Variants in PRDM16 observed in about 807,000 individuals in gnomAD.
PRDM16 encodes PR/SET domain 16, also known as histone-lysine N-methyltransferase PRDM16.
A neutral mutation model predicts 110.6 loss-of-function variants in PRDM16; 23 were observed. The observed-to-expected ratio is 0.21, with a 90% CI of 0.15 to 0.29. The LOEUF (loss-of-function observed/expected upper bound fraction) is 0.29, where lower values mean the gene tolerates loss of function less well. Among genes scored for constraint, PRDM16 ranks in the 10% least tolerant of loss-of-function variants. The pLI is 1.00. For synonymous variants in PRDM16, 799 were observed against 781.8 expected (o/e 1.02, Z -0.37); for missense variants, 1,615 against 1,794.3 (o/e 0.90, Z 1.81).
At chr1:3,109,790 G>T (rs1189147931) in intron 1 of PRDM16, among the ~76,000 whole-genome samples, 1 of 152,268 alleles carries the variant, frequency 6.6e-6, no homozygotes, top group Admixed American at 6.5e-5. Flanking sequence ...AATATCACCT[G>T]AGTGGCCCAT....
At chr1:3,125,657 G>A (rs1033549316) in intron 1 of PRDM16, among the ~76,000 whole-genome samples, 1 of 152,270 alleles carries the variant, frequency 6.6e-6, no homozygotes, top group Admixed American at 6.5e-5. Context: ...GGGAAGAAAG[G>A]AAAACATCCC....
intron 3 of PRDM16, among the ~76,000 whole-genome samples, chr1:3,272,228 G>C (rs910803314): frequency 2.6e-5 from 4 of 152,212 alleles, no homozygotes; most frequent in Non-Finnish European, 5.9e-5. Context: ...GCACTCCACG[G>C]GGACAGGCGT....
chr1:3,096,935 A>G (rs1222193314), intron 1 of PRDM16, among the ~76,000 whole-genome samples: 2 of 152,122 alleles, frequency 1.3e-5, no homozygotes, highest in Non-Finnish European at 2.9e-5. Flanking sequence ...GCCCATTTAA[A>G]ACTACGCCGA....
chr1:3,226,494 G>T (rs1470141736), intron 2 of PRDM16, among the ~76,000 whole-genome samples: 1 of 152,156 alleles, frequency 6.6e-6, no homozygotes, highest in Non-Finnish European at 1.5e-5. Flanking sequence ...GGCAAAGGCG[G>T]CCCTAAAACA....
intron 2 of PRDM16, among the ~76,000 whole-genome samples, chr1:3,198,400 T>C (rs1352394918): frequency 6.6e-6 from 1 of 152,244 alleles, no homozygotes; most frequent in African/African-American, 2.4e-5. Flanking sequence ...CATATGTGAG[T>C]AGAATTGCCT....
At position 3,417,990 on chromosome 1, in the gene PRDM16, A is replaced by C. The variant is rs1408159640; in HGVS notation, c.2854A>C (p.Thr952Pro). ...CCTCAGGAAGGGCAAGGAGCGATAC[A>C]CGTGCAGGTGAGGGGCCCTTTGGTG... ...PILRKGKERY[T>P]CRYCGKIFPR... The change falls in exon 11 of 17, where the codon ACG becomes CCG. Residue 952 changes from threonine to proline, a missense_variant. Thr to Pro is a conservative substitution (Grantham distance 38). This residue lies in a region of PRDM16 where 772 missense variants were observed against 748.3 expected (regional missense o/e 1.03). Transcript: ENST00000270722. The C allele has an allele frequency of 7.4e-6, 12 of 1,611,034 alleles. No homozygotes were observed. Among genetic ancestry groups the C allele is most frequent in the Middle Eastern group, 1.8e-4 (1 of 5,664 alleles).
intron 3 of PRDM16, among the ~76,000 whole-genome samples, chr1:3,376,735 C>G (rs1386925828): frequency 1.3e-5 from 2 of 152,064 alleles, no homozygotes; most frequent in Non-Finnish European, 2.9e-5. Context: ...ACTCTTCCCC[C>G]ACCCCAACCC....
At chr1:3,367,931 G>C (rs116794603) in intron 3 of PRDM16, among the ~76,000 whole-genome samples, 4,019 of 152,302 alleles carry the variant, frequency 0.026, 168 homozygotes, top group African/African-American at 0.089. Context: ...AGTAGTTGTT[G>C]TTTAGAGAGG....
chr1:3,326,440 G>C (rs1287147333), intron 3 of PRDM16, among the ~76,000 whole-genome samples: 1 of 152,208 alleles, frequency 6.6e-6, no homozygotes, highest in Non-Finnish European at 1.5e-5. Context: ...GCATGATTCA[G>C]CTTGCTGCAG....
At chr1:3,384,566 T>G (rs868689) in intron 3 of PRDM16, among the ~76,000 whole-genome samples, 122,032 of 152,242 alleles carry the variant, frequency 0.8, 49,305 homozygotes, top group African/African-American at 0.9. Context: ...CCAAGTTGGT[T>G]CGCGTGTGAC....
At chr1:3,200,051 T>G (rs922195074) in intron 2 of PRDM16, among the ~76,000 whole-genome samples, 1 of 152,252 alleles carries the variant, frequency 6.6e-6, no homozygotes, top group East Asian at 1.9e-4. Context: ...TGCTGAGATA[T>G]CAGACTGGAG....
intron 1 of PRDM16, among the ~76,000 whole-genome samples, chr1:3,111,153 C>T (rs957864909): frequency 2.0e-5 from 3 of 152,144 alleles, no homozygotes; most frequent in African/African-American, 7.2e-5. Context: ...AGGACCCTGT[C>T]CACACCTGGC....
intron 2 of PRDM16, among the ~76,000 whole-genome samples, chr1:3,204,735 C>T (rs898328448): frequency 1.3e-5 from 2 of 152,260 alleles, no homozygotes; most frequent in Non-Finnish European, 2.9e-5. Flanking sequence ...TTGGCCCGAC[C>T]GGCCCTGGGT....
Position 3,425,423 on chromosome 1 carries a change from C to T in PRDM16, c.2940-158C>T. The T allele has an allele frequency of 2.8e-6, 2 of 719,454 alleles. No individual in the cohort carries two copies. The highest frequency in any genetic ancestry group is 2.2e-6 in the Non-Finnish European group (1 of 448,916). 44.6% of individuals were successfully genotyped at this position (719,454 alleles called of 1,614,324 possible). On this transcript the variant is annotated intron_variant, in intron 12 of 16. Transcript: ENST00000270722. This position sits in a 1 kb window ranked among gnomAD's most constrained non-coding sequence, Gnocchi z 6.9. ...CAGCTTCCCCAGGATGCCTTTGGCT[C>T]TGCAGCTGGGAGATCCAGCAACCTC...
chr1:3,216,282 G>A (rs1353679690), intron 2 of PRDM16, among the ~76,000 whole-genome samples: 2 of 152,108 alleles, frequency 1.3e-5, no homozygotes, highest in Non-Finnish European at 2.9e-5. Context: ...TTCAAGAAGC[G>A]TCCAACCCGC....
chr1:3,181,232 GGTCTTACACA>G (rs1257369397), intron 1 of PRDM16, among the ~76,000 whole-genome samples: 6 of 78,226 alleles, frequency 7.7e-5, no homozygotes, highest in African/African-American at 1.2e-4. Context: ...TCTTACACAC[GGTCTTACACA>G]CAGTCTTACA....
intron 3 of PRDM16, among the ~76,000 whole-genome samples, chr1:3,352,616 C>T (rs1050491772): frequency 2.0e-5 from 3 of 152,256 alleles, no homozygotes; most frequent in African/African-American, 4.8e-5. Flanking sequence ...ATGAGAACCG[C>T]GCAGCACAGC....
intron 12 of PRDM16, among the ~76,000 whole-genome samples, chr1:3,421,961 AAGACAGACAGGCAGGCGGACAGACAGGC>A (rs1190261156): frequency 2.1e-5 from 3 of 141,480 alleles, no homozygotes; most frequent in Non-Finnish European, 4.6e-5. Context: ...GACAGACAGG[AAGACAGACAGGCAGGCGGACAGACAGGC>A]AGACAGACAG....
intron 10 of PRDM16, among the ~76,000 whole-genome samples, chr1:3,416,234 G>A (rs1425917515): frequency 6.6e-6 from 1 of 152,200 alleles, no homozygotes; most frequent in Non-Finnish European, 1.5e-5. Flanking sequence ...GGAAGCATTT[G>A]TAGAAAGCCC....
Sources: allele counts gnomAD v4.1 joint callset (sites outside exome capture counted in the v4.1 genomes callset), GRCh38; gene constraint gnomAD v4.1.1; regional missense constraint gnomAD v4.1.1; non-coding constraint Gnocchi (gnomAD v3.1); transcripts MANE v1.5; gene names NCBI Gene and HGNC (gene_info 2026-07-23, HGNC 2026-07-21).